Variants in STXBP5L observed in about 807,000 individuals in gnomAD.
STXBP5L encodes syntaxin-binding protein 5-like.
A neutral mutation model predicts 144.5 loss-of-function variants in STXBP5L; 65 were observed. The observed-to-expected ratio is 0.45, with a 90% CI of 0.37 to 0.55. The LOEUF (loss-of-function observed/expected upper bound fraction) is 0.55. STXBP5L is among the 20% of genes least tolerant of loss of function. The pLI is 0.00. For synonymous variants in STXBP5L, 505 were observed against 469.6 expected, an observed-to-expected ratio of 1.08 and a Z score of -0.97; for missense variants, 1,298 against 1,405.5, an observed-to-expected ratio of 0.92 and a Z score of 1.22.
rs2047390562 is a variant in STXBP5L at position 121,423,177 on chromosome 3, T to C, written c.*4080T>C. The C allele has an allele frequency of 6.6e-6, 1 of 152,238 alleles. No homozygotes were observed. Among genetic ancestry groups the C allele is most frequent in the Non-Finnish European group, 1.5e-5 (1 of 68,050 alleles). The allele number at this position is 152,238 out of a possible 1,614,324, so 9.4% of individuals were successfully genotyped here. A position where few individuals can be genotyped will look rare whatever the true frequency, so the allele number is the denominator to read the frequency against. On this transcript the variant is annotated 3_prime_UTR_variant, in exon 27 of 27. Transcript: ENST00000471454. ...AAAACATTCATATCAGGTCTTGGTA[T>C]CTGTGTCAGGAGAAACGTGGTGGCT...
chr3:121,346,570 A>C (rs1315822012), intron 20 of STXBP5L, among the ~76,000 whole-genome samples: 1 of 152,162 alleles, frequency 6.6e-6, no homozygotes, highest in African/African-American at 2.4e-5. Flanking sequence ...TCCCACCAAC[A>C]GTGTAAAAGT....
intron 20 of STXBP5L, among the ~76,000 whole-genome samples, chr3:121,344,230 C>T (rs2044855262): frequency 6.6e-6 from 1 of 152,064 alleles, no homozygotes; most frequent in Non-Finnish European, 1.5e-5. Context: ...CTTCCTTACA[C>T]CTTATACAAA....
Position 120,909,714 on chromosome 3 carries a change from C to T in STXBP5L, c.136C>T (p.Leu46Phe). 6.2e-7 allele frequency: 1 copy of T among 1,610,924 alleles called. No individual in the cohort carries two copies. The highest frequency in any genetic ancestry group is 8.5e-7 in the Non-Finnish European group (1 of 1,179,190). Residue 46 changes from leucine (L) to phenylalanine (F), a missense_variant, in exon 2 of 27, where the codon CTC becomes TTC. Leu to Phe is a conservative substitution (Grantham distance 22, BLOSUM62 0). Transcript: ENST00000471454. ...SVHPAGTAGV[L>F]REEIQETLTS... ...ACATCCGGCGGGGACTGCAGGGGTT[C>T]TCAGAGAGGAAATTCAGGAAACTTT...
At chr3:121,040,167 A>G (rs998783066) in intron 3 of STXBP5L, among the ~76,000 whole-genome samples, 1 of 152,042 alleles carries the variant, frequency 6.6e-6, no homozygotes, top group Non-Finnish European at 1.5e-5. Context: ...AGTGAATGCC[A>G]TACCTCTTGA....
intron 7 of STXBP5L, among the ~76,000 whole-genome samples, chr3:121,129,523 T>G (rs2044873502): frequency 6.6e-6 from 1 of 152,018 alleles, no homozygotes. Flanking sequence ...TTTATGTGTA[T>G]AGATCAACAC....
intron 9 of STXBP5L, among the ~76,000 whole-genome samples, chr3:121,179,108 C>A (rs960380678): frequency 6.6e-6 from 1 of 151,560 alleles, no homozygotes; most frequent in Non-Finnish European, 1.5e-5. Flanking sequence ...CCAAAGGATA[C>A]CTCCCCACAT....
intron 20 of STXBP5L, among the ~76,000 whole-genome samples, chr3:121,345,115 T>G (rs2044902107): frequency 1.3e-5 from 2 of 151,912 alleles, no homozygotes; most frequent in Non-Finnish European, 2.9e-5. Context: ...ACCCATCGAC[T>G]CATTATTTAC....
chr3:121,033,608 A>G (rs1387614592), intron 3 of STXBP5L, among the ~76,000 whole-genome samples: 1 of 151,542 alleles, frequency 6.6e-6, no homozygotes, highest in East Asian at 1.9e-4. Flanking sequence ...AAATAAATAA[A>G]TAAATTCGTG....
chr3:120,941,453 T>G (rs1710562498), intron 2 of STXBP5L, among the ~76,000 whole-genome samples: 1 of 151,734 alleles, frequency 6.6e-6, no homozygotes, highest in Non-Finnish European at 1.5e-5. Flanking sequence ...GTCACAAGGA[T>G]GGTCAGTGGG....
chr3:121,230,192 A>G (rs1300368082), intron 11 of STXBP5L, among the ~76,000 whole-genome samples: 5 of 152,136 alleles, frequency 3.3e-5, no homozygotes, highest in Non-Finnish European at 5.9e-5. Flanking sequence ...TTATTTATCT[A>G]TTACTTATTT....
In STXBP5L at chr3:121,263,664, A is replaced by AT. The variant is rs571576869; in HGVS notation, c.1958+4497dup. Among the ~76,000 whole-genome samples, 72 of 152,226 alleles carry AT rather than the reference A, an allele frequency of 4.7e-4. No individual in the cohort carries two copies. The East Asian group carries it at 7.2e-3, about 15-fold the overall frequency. ...AGCTGAAAAATACAGCACGTGAAGC[A>AT]TACACAAGTATAAATAGCCAAATTG... On this transcript the variant is annotated intron_variant, in intron 18 of 26. Coordinates refer to ENST00000471454, the MANE Select transcript of STXBP5L (RefSeq NM_001308330.2).
chr3:120,937,709 G>C (rs1710339798), intron 2 of STXBP5L, among the ~76,000 whole-genome samples: 1 of 151,982 alleles, frequency 6.6e-6, no homozygotes, highest in Non-Finnish European at 1.5e-5. Context: ...TGCCAGACTA[G>C]AAATGGAAAT....
chr3:121,199,846 G>A (rs1050783189), intron 9 of STXBP5L, among the ~76,000 whole-genome samples: 1 of 152,070 alleles, frequency 6.6e-6, no homozygotes, highest in Non-Finnish European at 1.5e-5. Context: ...CTTGATCTTG[G>A]TGGGTAAGCT....
intron 9 of STXBP5L, among the ~76,000 whole-genome samples, chr3:121,190,871 C>T (rs186401120): frequency 0.015 from 2,263 of 151,444 alleles, 61 homozygotes; most frequent in African/African-American, 0.052. Context: ...GGGGTGGCGG[C>T]GGGGCAGAGA....
At chr3:121,359,029 A>G (rs1346424123) in intron 20 of STXBP5L, among the ~76,000 whole-genome samples, 1 of 152,014 alleles carries the variant, frequency 6.6e-6, no homozygotes, top group Non-Finnish European at 1.5e-5. Flanking sequence ...AGTTTGGAGG[A>G]ACCTCCAAAC....
At chr3:121,250,958 T>C (rs750799198) in intron 15 of STXBP5L, among the ~76,000 whole-genome samples, 195 bp downstream of exon 15, 3 of 152,192 alleles carry the variant, frequency 2.0e-5, no homozygotes, top group Non-Finnish European at 2.9e-5. Flanking sequence ...TCTTCTATAA[T>C]ATAAGGTAAA....
intron 22 of STXBP5L, among the ~76,000 whole-genome samples, chr3:121,394,697 T>C (rs1388096538): frequency 7.0e-6 from 1 of 141,904 alleles, no homozygotes; most frequent in Non-Finnish European, 1.5e-5. Flanking sequence ...CTCCACCTCC[T>C]GGGTTCAGGC....
At chr3:121,219,678 C>G (rs937018877) in intron 10 of STXBP5L, among the ~76,000 whole-genome samples, 7 of 152,064 alleles carry the variant, frequency 4.6e-5, no homozygotes, top group Non-Finnish European at 1.0e-4. Flanking sequence ...TTATTTTCTG[C>G]TAATCTTTTA....
intron 3 of STXBP5L, among the ~76,000 whole-genome samples, chr3:120,989,181 C>A (rs563966463): frequency 6.6e-6 from 1 of 152,016 alleles, no homozygotes; most frequent in Non-Finnish European, 1.5e-5. Context: ...GGTAGGTACC[C>A]AGTAGTGGGA....
Sources: allele counts gnomAD v4.1 joint callset (sites outside exome capture counted in the v4.1 genomes callset), GRCh38; gene constraint gnomAD v4.1.1; transcripts MANE v1.5; gene names NCBI Gene and HGNC (gene_info 2026-07-23, HGNC 2026-07-21).